The following BCL11B variants were observed in gnomAD, a reference collection of about 807,000 sequenced individuals.
BCL11B encodes the protein BCL11 transcription factor B, also known as B-cell lymphoma/leukemia 11B.
BCL11B carries 8 observed loss-of-function variants against 49.9 expected under a neutral mutation model. That is an observed-to-expected ratio of 0.16 (90% CI 0.09 to 0.29). The LOEUF (loss-of-function observed/expected upper bound fraction) is 0.29, where lower values mean the gene tolerates loss of function less well. Ranked by LOEUF, BCL11B falls within the 10% of genes least tolerant of loss-of-function variation. The pLI is 1.00. For missense variants in BCL11B, 1,006 were observed against 1,351.0 expected, an observed-to-expected ratio of 0.74 and a Z score of 4.00; for synonymous variants, 739 against 637.4, an observed-to-expected ratio of 1.16 and a Z score of -2.40.
chr14:99,237,142 C>A (rs1888524576), intron 2 of BCL11B, among the ~76,000 whole-genome samples: 1 of 151,862 alleles, frequency 6.6e-6, no homozygotes, highest in South Asian at 2.1e-4. Flanking sequence ...TCTTCGTTTG[C>A]TCAATTTCAG....
chr14:99,226,691 G>T (rs1469254955), intron 3 of BCL11B, among the ~76,000 whole-genome samples: 1 of 152,200 alleles, frequency 6.6e-6, no homozygotes, highest in Non-Finnish European at 1.5e-5. Context: ...AGCTAGCGTG[G>T]TCTAATCCAC....
rs752763028 is a variant in BCL11B, at chr14:99,174,628, G to T, written c.2208C>A (p.Pro736=). ...FLGFTDARQS[P]FATSSEHSSE... ...ACGAGTGCTCGGACGACGTGGCGAA[G>T]GGCGACTGTCGTGCGTCCGTGAAGC... The change falls in exon 4 of 4, where the codon CCC becomes CCA. Residue 736 remains proline (P), a synonymous_variant. Transcript: ENST00000357195. The T allele has an allele frequency of 1.3e-6, 2 of 1,564,822 alleles. No individual in the cohort carries two copies. The highest frequency in any genetic ancestry group is 1.7e-6 in the Non-Finnish European group (2 of 1,159,862).
At position 99,262,741 on chromosome 14, in the gene BCL11B, G is replaced by C. The variant is rs1889372387; in HGVS notation, c.59-4902C>G. On this transcript the variant is annotated intron_variant, in intron 1 of 3. Coordinates refer to ENST00000357195, the MANE Select transcript of BCL11B (RefSeq NM_138576.4). The surrounding 1 kb of genome is among the most constrained non-coding windows in gnomAD (Gnocchi z 4.2). ...TCCGTGAACACTTGGGGAGGGGCTGGGACTCCAGGCGACACGGAAACGCCA... is the reference window on the plus strand; with the variant it reads ...TCCGTGAACACTTGGGGAGGGGCTGCGACTCCAGGCGACACGGAAACGCCA... 6.6e-6 allele frequency among the ~76,000 whole-genome samples: 1 copy of C among 152,090 alleles called. No individual in the cohort carries two copies. Among genetic ancestry groups the C allele is most frequent in the East Asian group, 1.9e-4 (1 of 5,188 alleles).
At chr14:99,222,166 A>G (rs1316146726) in intron 3 of BCL11B, among the ~76,000 whole-genome samples, 1 of 152,184 alleles carries the variant, frequency 6.6e-6, no homozygotes, top group African/African-American at 2.4e-5. Context: ...CGAAAAGTCA[A>G]GTACATTTTG....
chr14:99,231,717 AC>A lies in BCL11B; in HGVS notation c.428-161del, dbSNP rs1358362074. On this transcript the variant is annotated intron_variant, in intron 2 of 3. Coordinates refer to ENST00000357195, the MANE Select transcript of BCL11B (RefSeq NM_138576.4). This position sits in a 1 kb window ranked among gnomAD's most constrained non-coding sequence, Gnocchi z 8.1. ...GCCCTGCAGGGAAGGCAATCGGGACACAGGCGAGGGAATGGGCTCGGGGAGG... is the reference window on the plus strand; with the variant it reads ...GCCCTGCAGGGAAGGCAATCGGGACAAGGCGAGGGAATGGGCTCGGGGAGG... Among the ~76,000 whole-genome samples, 1 of 150,910 alleles carries A rather than the reference AC, an allele frequency of 6.6e-6. No homozygotes were observed. The highest frequency in any genetic ancestry group is 2.0e-4 in the East Asian group (1 of 5,024).
In BCL11B at chr14:99,174,914, C is replaced by CCGCCCGCGTCGTCGTCGT. The variant is rs775290403; in HGVS notation, c.1904_1921dup (p.Asp635_Gly640dup). The CCGCCCGCGTCGTCGTCGT allele has an allele frequency of 4.3e-6, 5 of 1,154,444 alleles. No individual in the cohort carries two copies. The highest frequency in any genetic ancestry group is 5.4e-6 in the Non-Finnish European group (5 of 933,184). 71.5% of individuals were successfully genotyped at this position (1,154,444 alleles called of 1,614,324 possible). On this transcript the variant is annotated inframe_insertion, in exon 4 of 4. Coordinates refer to ENST00000357195, the MANE Select transcript of BCL11B (RefSeq NM_138576.4). ...GCCGCCCGCGCCCGCGTCCCCGCAGCCGCCCGCGTCGTCGTCGTCGCCCGC... is the reference window on the plus strand; with the variant it reads ...GCCGCCCGCGCCCGCGTCCCCGCAGCCGCCCGCGTCGTCGTCGTCGCCCGCGTCGTCGTCGTCGCCCGC...
chr14:99,257,701 G>A lies in BCL11B; in HGVS notation c.197C>T (p.Pro66Leu). ...LTCGQCQMNF[P>L]LGDILVFIEH... ...TATAAAAACCAGGATGTCCCCCAAG[G>A]GGAAGTTCATTTGACACTGGCCACA... The change falls in exon 2 of 4, where the codon CCC (proline) becomes CTC (leucine). Residue 66 changes from proline (P) to leucine (L), a missense_variant. Pro to Leu is a moderately conservative substitution (Grantham distance 98, BLOSUM62 -3). Transcript: ENST00000357195. This position sits in a 1 kb window ranked among gnomAD's most constrained non-coding sequence, Gnocchi z 6.2. The A allele has an allele frequency of 6.2e-7, 1 of 1,612,544 alleles. No individual in the cohort carries two copies. Among genetic ancestry groups the A allele is most frequent in the East Asian group, 2.2e-5 (1 of 44,774 alleles).
intron 3 of BCL11B, among the ~76,000 whole-genome samples, chr14:99,179,039 T>G (rs1053737306): frequency 1.3e-5 from 2 of 152,204 alleles, no homozygotes; most frequent in Non-Finnish European, 2.9e-5. Flanking sequence ...TGCAGAGCGC[T>G]TACGCAGGCC....
chr14:99,261,346 G>A (rs1595083301), intron 1 of BCL11B, among the ~76,000 whole-genome samples: 1 of 152,100 alleles, frequency 6.6e-6, no homozygotes, highest in Non-Finnish European at 1.5e-5. Context: ...CCTTAGAACT[G>A]TATCGATAAT....
chr14:99,203,072 C>T (rs754013292), intron 3 of BCL11B, among the ~76,000 whole-genome samples: 3 of 152,194 alleles, frequency 2.0e-5, no homozygotes, highest in Admixed American at 6.5e-5. Context: ...GGCCCTTCCA[C>T]ACCCTATCTC....
intron 3 of BCL11B, among the ~76,000 whole-genome samples, chr14:99,180,710 C>G (rs974806163): frequency 1.3e-5 from 2 of 152,084 alleles, no homozygotes; most frequent in African/African-American, 2.4e-5. Context: ...GGGGTTTGCA[C>G]GTTTTGTTTT....
chr14:99,269,513 A>AT (rs1460352776), intron 1 of BCL11B, among the ~76,000 whole-genome samples: 1,114 of 90,932 alleles, frequency 0.012, 21 homozygotes, highest in African/African-American at 0.047. Flanking sequence ...TTTAATTTCT[A>AT]TTCCCCCCCC....
In BCL11B at chr14:99,239,423, T is replaced by C. The variant is rs554458812; in HGVS notation, c.428-7866A>G. Among the ~76,000 whole-genome samples, 4 of 152,310 alleles carry C rather than the reference T, an allele frequency of 2.6e-5. No homozygotes were observed. The South Asian group carries it at 8.3e-4, about 32-fold the overall frequency. On this transcript the variant is annotated intron_variant, in intron 2 of 3. Transcript: ENST00000357195. ...AGCATAAAGAATGTGGGACTTCGGG[T>C]TGGGACCCTGTAGCCCTTTCCCAGA... is the stretch of plus-strand genomic sequence containing the variant.
chr14:99,227,566 GCC>G, intron 3 of BCL11B, among the ~76,000 whole-genome samples: 1 of 152,192 alleles, frequency 6.6e-6, no homozygotes, highest in Middle Eastern at 3.4e-3. Context: ...AATGTCCCAC[GCC>G]CTGCCCTGGA....
chr14:99,221,418 G>A (rs1888003924), intron 3 of BCL11B, among the ~76,000 whole-genome samples: 1 of 152,194 alleles, frequency 6.6e-6, no homozygotes, highest in South Asian at 2.1e-4. Flanking sequence ...CACCTCCCTG[G>A]AGAAGTCCTG....
At chr14:99,200,051 T>C (rs1025482697) in intron 3 of BCL11B, among the ~76,000 whole-genome samples, 5 of 151,544 alleles carry the variant, frequency 3.3e-5, no homozygotes, top group African/African-American at 1.2e-4. Flanking sequence ...TCCCCCTGAC[T>C]TCTCCATCCC....
Position 99,257,733 on chromosome 14 carries a change from C to T in BCL11B, c.165G>A (p.Leu55=). The change falls in exon 2 of 4, where the codon CTG becomes CTA. Residue 55 remains leucine (L), a synonymous_variant. Transcript: ENST00000357195. This position sits in a 1 kb window ranked among gnomAD's most constrained non-coding sequence, Gnocchi z 6.2. ...GLMVGGPDPD[L]LTCGQCQMNF... is the part of the protein sequence containing the mutation. Reference sequence around the variant, plus strand: ...TCATTTGACACTGGCCACAGGTGAGCAGGTCAGGGTCGGGGCCACCCACCA... The same window carrying T: ...TCATTTGACACTGGCCACAGGTGAGTAGGTCAGGGTCGGGGCCACCCACCA... The T allele has an allele frequency of 1.9e-6, 3 of 1,611,660 alleles. No homozygotes were observed. The highest frequency in any genetic ancestry group is 2.5e-6 in the Non-Finnish European group (3 of 1,178,376).
intron 3 of BCL11B, among the ~76,000 whole-genome samples, chr14:99,199,683 T>TGTGTGTGTGCGCGCGCGCGC (rs759599743): frequency 9.5e-5 from 7 of 73,644 alleles, no homozygotes; most frequent in South Asian, 3.5e-4. Flanking sequence ...TGTGTGTGTG[T>TGTGTGTGTGCGCGCGCGCGC]GCGCGCGCGC....
chr14:99,212,626 G>C (rs1218266824), intron 3 of BCL11B, among the ~76,000 whole-genome samples: 1 of 152,084 alleles, frequency 6.6e-6, no homozygotes, highest in African/African-American at 2.4e-5. Context: ...GTAAGTACAG[G>C]GGCCCATCGG....
Sources: gnomAD v4.1 joint callset for allele counts (sites outside exome capture counted in the v4.1 genomes callset) on GRCh38, gnomAD v4.1.1 for gene constraint, Gnocchi (gnomAD v3.1) non-coding constraint, MANE v1.5 for transcripts, NCBI Gene and HGNC (gene_info 2026-07-23, HGNC 2026-07-21) for gene names.